RAD51B: variants seen among roughly 807,000 people sequenced by gnomAD.
RAD51B encodes DNA repair protein RAD51 homolog 2.
In RAD51B, 38 loss-of-function variants were observed where a neutral mutation model predicts 42.2. The observed-to-expected ratio is 0.90, with a 90% CI of 0.70 to 1.18. The LOEUF (loss-of-function observed/expected upper bound fraction) is 1.18, where lower values mean the gene tolerates loss of function less well. RAD51B is among the 50% of genes most tolerant of loss of function. The pLI is 0.00. For missense variants in RAD51B, 373 were observed against 400.7 expected (o/e 0.93, Z 0.59); for synonymous variants, 154 against 145.2 (o/e 1.06, Z -0.43).
chr14:68,024,339 A>C (rs992376958), intron 7 of RAD51B, among the ~76,000 whole-genome samples: 1 of 152,178 alleles, frequency 6.6e-6, no homozygotes, highest in Non-Finnish European at 1.5e-5. Flanking sequence ...ATTCTATATG[A>C]ATTTTAGAAT....
chr14:67,833,612 A>G (rs1319495359), intron 3 of RAD51B, among the ~76,000 whole-genome samples: 1 of 152,166 alleles, frequency 6.6e-6, no homozygotes, highest in Non-Finnish European at 1.5e-5. Context: ...TGGCAAAGGG[A>G]TGATTCACAT....
chr14:68,331,230 C>T (rs1363267779), intron 8 of RAD51B, among the ~76,000 whole-genome samples: 3 of 151,160 alleles, frequency 2.0e-5, no homozygotes, highest in Non-Finnish European at 3.0e-5. Flanking sequence ...GGCATGGTGG[C>T]GCGTGCCTAT....
chr14:68,113,578 A>G (rs917645120), intron 7 of RAD51B: 1 of 151,746 alleles, frequency 6.6e-6, no homozygotes, highest in South Asian at 2.1e-4. Context: ...CATATACAAC[A>G]TATTCATATG....
At chr14:68,564,382 G>A (rs1226840918) in intron 10 of RAD51B, among the ~76,000 whole-genome samples, 5 of 152,128 alleles carry the variant, frequency 3.3e-5, no homozygotes, top group Non-Finnish European at 7.3e-5. Flanking sequence ...AGGCCTAGCC[G>A]GCCCCTGTTA....
At chr14:68,537,367 C>T (rs1411027618) in intron 10 of RAD51B, among the ~76,000 whole-genome samples, 2 of 150,906 alleles carry the variant, frequency 1.3e-5, no homozygotes. Context: ...GTCGTGGTGG[C>T]GGGCGCCTGT....
intron 7 of RAD51B, among the ~76,000 whole-genome samples, chr14:68,156,920 A>G (rs1243669334): frequency 6.6e-6 from 1 of 152,190 alleles, no homozygotes; most frequent in African/African-American, 2.4e-5. Flanking sequence ...ACTCACAGCC[A>G]GGCATGGTGC....
intron 7 of RAD51B, among the ~76,000 whole-genome samples, chr14:67,890,918 A>T (rs2043200827): frequency 6.6e-6 from 1 of 151,858 alleles, no homozygotes; most frequent in South Asian, 2.1e-4. Context: ...TATTCTTTTT[A>T]TTTATTTTCC....
intron 8 of RAD51B, among the ~76,000 whole-genome samples, chr14:68,335,296 C>CAAAAAAAAAA (rs768281887): frequency 4.6e-5 from 2 of 43,156 alleles, no homozygotes; most frequent in Non-Finnish European, 9.6e-5. Flanking sequence ...GACCCTGTGT[C>CAAAAAAAAAA]AAAAAAAAAA....
chr14:67,904,121 T>C (rs1209265095), intron 7 of RAD51B, among the ~76,000 whole-genome samples: 3 of 152,168 alleles, frequency 2.0e-5, no homozygotes, highest in Non-Finnish European at 4.4e-5. Context: ...TTTCATGGTA[T>C]ATATGTACCA....
intron 7 of RAD51B, among the ~76,000 whole-genome samples, chr14:67,934,210 C>T (rs187445122): frequency 2.6e-5 from 4 of 152,304 alleles, no homozygotes; most frequent in Admixed American, 2.0e-4. Context: ...GTGAATACTC[C>T]ATTGCTCACT....
At chr14:68,578,265 G>A (rs967113964) in intron 10 of RAD51B, among the ~76,000 whole-genome samples, 3 of 152,080 alleles carry the variant, frequency 2.0e-5, no homozygotes, top group Admixed American at 2.0e-4. Flanking sequence ...TTTTCTATTG[G>A]CTGGGCGTGG....
At chr14:68,441,286 T>C (rs2085279022) in intron 9 of RAD51B, among the ~76,000 whole-genome samples, 1 of 151,466 alleles carries the variant, frequency 6.6e-6, no homozygotes, top group East Asian at 2.0e-4. Context: ...CTCACGCCTG[T>C]AATCCCAGCA....
At chr14:68,186,147 G>T (rs1383936552) in intron 7 of RAD51B, among the ~76,000 whole-genome samples, 2 of 152,138 alleles carry the variant, frequency 1.3e-5, no homozygotes, top group East Asian at 3.8e-4. Context: ...TGCTGGGGTT[G>T]TTGGCTAGCC....
chr14:68,567,846 A>G (rs761833250), intron 10 of RAD51B, among the ~76,000 whole-genome samples: 3 of 152,174 alleles, frequency 2.0e-5, no homozygotes, highest in Non-Finnish European at 4.4e-5. Flanking sequence ...CTGTAAGTAG[A>G]TTTTAAGCTC....
chr14:67,943,563 T>C (rs1327454301), intron 7 of RAD51B, among the ~76,000 whole-genome samples: 1 of 152,178 alleles, frequency 6.6e-6, no homozygotes, highest in Non-Finnish European at 1.5e-5. Context: ...CATCCATTTA[T>C]TTAATTAAGT....
In RAD51B at chr14:68,647,130, C is replaced by T. The variant is rs724535; in HGVS notation, c.1037-3651C>T. On this transcript the variant is annotated intron_variant, in intron 10 of 11. Coordinates refer to the RAD51B transcript ENST00000488612. ...ATATAAAAGAACTTCATTTATTCAT[C>T]CTCAGATCACTGGAGGAAACTGACA... 8.5e-3 allele frequency among the ~76,000 whole-genome samples: 1,288 copies of T among 152,294 alleles called. 17 individuals carry two copies. The highest frequency in any genetic ancestry group is 0.029 in the African/African-American group (1,221 of 41,562).
chr14:68,022,787 C>T (rs2075888573), intron 7 of RAD51B, among the ~76,000 whole-genome samples: 1 of 152,208 alleles, frequency 6.6e-6, no homozygotes, highest in Middle Eastern at 3.4e-3. Context: ...GGCACATTTT[C>T]AGTCCTCACC....
intron 8 of RAD51B, among the ~76,000 whole-genome samples, chr14:68,311,890 C>G (rs978753876): frequency 6.6e-6 from 1 of 152,124 alleles, no homozygotes; most frequent in Admixed American, 6.5e-5. Context: ...AAGACTCCCT[C>G]TCAAAAATAA....
chr14:68,388,094 A>ATTTT (rs10676248), intron 8 of RAD51B, among the ~76,000 whole-genome samples: 35 of 118,914 alleles, frequency 2.9e-4, no homozygotes, highest in Middle Eastern at 4.5e-3. Flanking sequence ...ATATATATAT[A>ATTTT]TTTTTTTTTT....
Sources: allele counts gnomAD v4.1 joint callset (sites outside exome capture counted in the v4.1 genomes callset), GRCh38; gene constraint gnomAD v4.1.1; transcripts MANE v1.5; gene names NCBI Gene and HGNC (gene_info 2026-07-23, HGNC 2026-07-21).